Variants in LAMA3 observed in about 807,000 individuals in gnomAD.
LAMA3 encodes laminin subunit alpha-3.
LAMA3 carries 281 observed loss-of-function variants against 402.0 expected under a neutral mutation model. The ratio of observed to expected loss-of-function variants is 0.70; its 90% confidence interval spans 0.63 to 0.77. The LOEUF is 0.77. Ranked by LOEUF, LAMA3 falls within the 30% of genes least tolerant of loss-of-function variation. LAMA3 has a pLI of 0.00. For synonymous variants in LAMA3, 1,431 were observed against 1,558.4 expected (o/e 0.92, Z 1.93); for missense variants, 3,840 against 4,215.5 (o/e 0.91, Z 2.47).
At chr18:23,949,708 C>A in intron 70 of LAMA3, 57 bp from the exon 71 acceptor site, 4 of 1,577,720 alleles carry the variant, frequency 2.5e-6, no homozygotes, top group Non-Finnish European at 3.5e-6. Context: ...GCCTTGGCTA[C>A]CCATGCCTTT....
intron 2 of LAMA3, among the ~76,000 whole-genome samples, chr18:23,742,479 C>G (rs1158893265): frequency 6.6e-6 from 1 of 152,012 alleles, no homozygotes; most frequent in Non-Finnish European, 1.5e-5. Flanking sequence ...GGTAAAATTT[C>G]TTAGACATGA....
intron 60 of LAMA3, among the ~76,000 whole-genome samples, chr18:23,917,059 C>T (rs2081654256): frequency 6.6e-6 from 1 of 152,030 alleles, no homozygotes; most frequent in Non-Finnish European, 1.5e-5. Flanking sequence ...TCTGTTGTTC[C>T]CTTCTTTGCG....
chr18:23,768,784 A>G (rs1480950514), intron 8 of LAMA3, among the ~76,000 whole-genome samples: 4 of 152,224 alleles, frequency 2.6e-5, no homozygotes, highest in African/African-American at 9.6e-5. Context: ...TGGTATATAT[A>G]CATGATGGAA....
intron 62 of LAMA3, among the ~76,000 whole-genome samples, chr18:23,927,586 AAGC>A (rs1568354642): frequency 6.6e-6 from 1 of 152,162 alleles, no homozygotes; most frequent in Non-Finnish European, 1.5e-5. Flanking sequence ...TGGTTAAATC[AAGC>A]TACGTTTTTC....
intron 2 of LAMA3, among the ~76,000 whole-genome samples, chr18:23,725,038 G>A (rs556558827): frequency 7.9e-5 from 12 of 151,284 alleles, no homozygotes; most frequent in South Asian, 4.2e-4. Flanking sequence ...TACTCCCATC[G>A]CATTTCCTTA....
intron 5 of LAMA3, among the ~76,000 whole-genome samples, chr18:23,752,683 AG>A (rs2061774652): frequency 6.6e-6 from 1 of 152,270 alleles, no homozygotes; most frequent in Admixed American, 6.5e-5. Flanking sequence ...TGTATTAACA[AG>A]GGGGGCTGTT....
intron 32 of LAMA3, among the ~76,000 whole-genome samples, chr18:23,857,347 T>C (rs2064106079): frequency 1.3e-5 from 2 of 152,344 alleles, no homozygotes; most frequent in South Asian, 2.1e-4. Flanking sequence ...GCACCATGCT[T>C]GTGTTGTTCC....
chr18:23,804,720 G>A (rs879819839), intron 12 of LAMA3, among the ~76,000 whole-genome samples: 1 of 152,138 alleles, frequency 6.6e-6, no homozygotes, highest in Non-Finnish European at 1.5e-5. Flanking sequence ...GGGCCTGGTG[G>A]GAGGTGTTTG....
rs776767127 is a variant in LAMA3 at position 23,815,509 on chromosome 18, T to A, written c.1983T>A (p.Asp661Glu). 33 of 1,614,110 alleles carry A rather than the reference T, an allele frequency of 2.0e-5. No individual in the cohort carries two copies. The highest frequency in any genetic ancestry group is 2.8e-5 in the Non-Finnish European group (33 of 1,180,042). Residue 661 changes from aspartate (D) to glutamate (E), a missense_variant, in exon 17 of 75, where the codon GAT (aspartate) becomes GAA (glutamate). By Grantham distance (45) the Asp-to-Glu change is conservative. Around this residue, in one of 3 missense-constraint regions of LAMA3, gnomAD observed 2,109 missense variants for 2,376.0 expected, o/e 0.89. Coordinates refer to ENST00000313654, the MANE Select transcript of LAMA3 (RefSeq NM_198129.4). ...DCHCKSHVGG[D>E]SCDTCEDGYF... is the part of the protein sequence containing the mutation. ...ACTGCAAGTCCCATGTGGGTGGCGA[T>A]TCCTGCGACACCTGTGAAGATGGAT...
At chr18:23,765,137 C>T (rs2062049494) in intron 8 of LAMA3, among the ~76,000 whole-genome samples, 1 of 152,100 alleles carries the variant, frequency 6.6e-6, no homozygotes, top group Non-Finnish European at 1.5e-5. Context: ...AGAGGGGAGG[C>T]CAAAGTTGGT....
chr18:23,846,819 C>T (rs1202169570), intron 31 of LAMA3, among the ~76,000 whole-genome samples: 1 of 152,198 alleles, frequency 6.6e-6, no homozygotes, highest in Non-Finnish European at 1.5e-5. Context: ...AGTCTTAAAC[C>T]TCAGAATCTT....
At chr18:23,703,850 T>A in intron 1 of LAMA3, among the ~76,000 whole-genome samples, 1 of 152,166 alleles carries the variant, frequency 6.6e-6, no homozygotes, top group East Asian at 1.9e-4. Flanking sequence ...TAGGATACGT[T>A]CAGGAAATTC....
At position 23,914,504 on chromosome 18, in the gene LAMA3, A is replaced by C; in HGVS notation, c.7424A>C (p.Gln2475Pro). The change falls in exon 57 of 75, where the codon CAG (glutamine) becomes CCG (proline). Residue 2475 changes from glutamine to proline, a missense_variant. Around this residue, in one of 3 missense-constraint regions of LAMA3, gnomAD observed 891 missense variants for 857.5 expected, o/e 1.04. Transcript: ENST00000313654. ...CGTGAGGCTGAACTCCAAGTGGACC[A>C]GATCTTGACCAAGAGTGAGACTAAG... The part of the protein sequence containing the change: ...GDREAELQVD[Q>P]ILTKSETKEA... 1 of 1,614,166 alleles carries C rather than the reference A, an allele frequency of 6.2e-7. No homozygotes were observed. The highest frequency in any genetic ancestry group is 1.1e-5 in the South Asian group (1 of 91,080).
intron 41 of LAMA3, among the ~76,000 whole-genome samples, chr18:23,888,427 C>T (rs2080513094): frequency 6.6e-6 from 1 of 152,208 alleles, no homozygotes; most frequent in Non-Finnish European, 1.5e-5. Flanking sequence ...TTAGTCCACT[C>T]ACTTATTCAT....
At chr18:23,704,381 C>T (rs999457516) in intron 1 of LAMA3, among the ~76,000 whole-genome samples, 64 of 152,328 alleles carry the variant, frequency 4.2e-4, no homozygotes, top group Middle Eastern at 3.4e-3. Context: ...CCATAAGTAA[C>T]ATTATCAGGC....
rs113789427 is a variant in LAMA3, at chr18:23,918,780, G to A, written c.7923+2085G>A. ...GAGCCCAAAGGCTTTCTGGTGGTCC[G>A]AGAACATGGGATTGATAAGGAGCTT... On this transcript the variant is annotated intron_variant, in intron 60 of 74. Transcript: ENST00000313654. The surrounding 1 kb of genome is among the most constrained non-coding windows in gnomAD (Gnocchi z 4.1). Among the ~76,000 whole-genome samples, 867 of 152,264 alleles carry A rather than the reference G, an allele frequency of 5.7e-3. 9 individuals carry two copies. The highest frequency in any genetic ancestry group is 0.02 in the African/African-American group (820 of 41,538).
chr18:23,851,592 G>A (rs961701065), intron 32 of LAMA3, among the ~76,000 whole-genome samples: 1 of 152,174 alleles, frequency 6.6e-6, no homozygotes, highest in African/African-American at 2.4e-5. Context: ...TAGCTGTTGT[G>A]GTTATTTGCC....
At chr18:23,715,975 A>T (rs1208526045) in intron 2 of LAMA3, among the ~76,000 whole-genome samples, 4 of 152,192 alleles carry the variant, frequency 2.6e-5, no homozygotes, top group Admixed American at 6.5e-5. Flanking sequence ...GTGCTAAATT[A>T]GACCTCTCCT....
At chr18:23,815,446 C>G (rs1386652730) in intron 16 of LAMA3, 22 bp from the exon 17 acceptor site, 13 of 1,584,428 alleles carry the variant, frequency 8.2e-6, no homozygotes, top group Admixed American at 1.7e-5. Context: ...CAAATGTTGT[C>G]ATCTGGCTCA....
Sources: gnomAD v4.1 joint callset for allele counts (sites outside exome capture counted in the v4.1 genomes callset) on GRCh38, gnomAD v4.1.1 for gene constraint, gnomAD v4.1.1 regional missense constraint, Gnocchi (gnomAD v3.1) non-coding constraint, MANE v1.5 for transcripts, NCBI Gene and HGNC (gene_info 2026-07-23, HGNC 2026-07-21) for gene names.